Variants in MGST3 observed in about 807,000 individuals in gnomAD.
The protein encoded by MGST3 is glutathione S-transferase 3, mitochondrial.
MGST3 carries 13 observed loss-of-function variants against 15.8 expected under a neutral mutation model. That is an observed-to-expected ratio of 0.82 (90% CI 0.54 to 1.31). The LOEUF is 1.31. MGST3 is among the 50% of genes most tolerant of loss of function. MGST3 has a pLI of 0.00. For missense variants in MGST3, 155 were observed against 192.4 expected, an observed-to-expected ratio of 0.81 and a Z score of 1.15; for synonymous variants, 49 against 68.1, an observed-to-expected ratio of 0.72 and a Z score of 1.38.
At chr1:165,644,840 C>A (rs775023236) in intron 1 of MGST3, among the ~76,000 whole-genome samples, 2 of 152,130 alleles carry the variant, frequency 1.3e-5, no homozygotes, top group African/African-American at 2.4e-5. Context: ...CTCACTGCAA[C>A]CTCCACCTCC....
intron 1 of MGST3, among the ~76,000 whole-genome samples, chr1:165,643,135 A>G (rs1442402991): frequency 6.6e-6 from 1 of 152,156 alleles, no homozygotes; most frequent in Admixed American, 6.5e-5. Flanking sequence ...ATTATTCTAC[A>G]TATACTTTTA....
intron 3 of MGST3, 34 bp downstream of exon 3, chr1:165,651,121 C>G (rs752518654): frequency 6.3e-7 from 1 of 1,590,452 alleles, no homozygotes; most frequent in Non-Finnish European, 8.6e-7. Context: ...CCAAAGACAT[C>G]TGCAGAGTGG....
At chr1:165,651,913 T>G in intron 3 of MGST3, 65 bp from the exon 4 acceptor site, 1 of 525,398 alleles carries the variant, frequency 1.9e-6, no homozygotes, top group Non-Finnish European at 3.0e-6. Context: ...AAAAAAAAAT[T>G]CATAATTCTA....
intron 1 of MGST3, among the ~76,000 whole-genome samples, chr1:165,632,776 T>A (rs1250135064): frequency 6.6e-6 from 1 of 152,076 alleles, no homozygotes; most frequent in Non-Finnish European, 1.5e-5. Context: ...CTTAGAGTTC[T>A]GAAAAGACAC....
At position 165,655,695 on chromosome 1, in the gene MGST3, G is replaced by C; in HGVS notation, c.*191G>C. 4.5e-6 allele frequency: 3 copies of C among 659,830 alleles called. No individual in the cohort carries two copies. The South Asian group carries it at 5.9e-5, about 13-fold the overall frequency. The allele number at this position is 659,830 out of a possible 1,614,324, so 40.9% of individuals were successfully genotyped here. On this transcript the variant is annotated 3_prime_UTR_variant, in exon 6 of 6. Coordinates refer to ENST00000367889, the MANE Select transcript of MGST3 (RefSeq NM_004528.4). ...TAGCCTAGTCCTACTAGATGAGAAA[G>C]GAGCCACAAGTATTGTGCCCTCTCC... is the stretch of plus-strand genomic sequence containing the variant.
intron 2 of MGST3, chr1:165,650,298 C>G: frequency 8.5e-6 from 3 of 352,082 alleles, no homozygotes; most frequent in South Asian, 7.5e-5. Context: ...AATATTGTTT[C>G]ATGGTGTGCC....
chr1:165,645,370 GGTCAC>G (rs1164285226), intron 1 of MGST3, among the ~76,000 whole-genome samples: 2 of 152,094 alleles, frequency 1.3e-5, no homozygotes, highest in Non-Finnish European at 2.9e-5. Flanking sequence ...CCCAGTGGAA[GGTCAC>G]ATGGACACAC....
Position 165,655,846 on chromosome 1 carries a change from C to T in MGST3, c.*342C>T. On this transcript the variant is annotated 3_prime_UTR_variant, in exon 6 of 6. Transcript: ENST00000367889. ...AAAATCTTCTAGCTCTCAGGATATG[C>T]ATTATCACTTGCTACAGATACTCCA... is the stretch of plus-strand genomic sequence containing the variant. The T allele has an allele frequency of 3.2e-6, 1 of 308,048 alleles. No individual in the cohort carries two copies. The highest frequency in any genetic ancestry group is 6.2e-6 in the Non-Finnish European group (1 of 160,848). The allele number at this position is 308,048 out of a possible 1,614,324, so 19.1% of individuals were successfully genotyped here.
chr1:165,636,809 T>G (rs1308454807), intron 1 of MGST3: 2 of 152,208 alleles, frequency 1.3e-5, no homozygotes, highest in Non-Finnish European at 2.9e-5. Context: ...TTGTGTGAGC[T>G]CCGCTGAGCA....
intron 1 of MGST3, among the ~76,000 whole-genome samples, chr1:165,644,288 T>C (rs1405855014): frequency 6.6e-6 from 1 of 152,240 alleles, no homozygotes; most frequent in Non-Finnish European, 1.5e-5. Flanking sequence ...ACCCAGGCTA[T>C]ATAGTCTAGC....
chr1:165,632,281 G>T, intron 1 of MGST3: 1 of 1,612,562 alleles, frequency 6.2e-7, no homozygotes, highest in Admixed American at 1.7e-5. Flanking sequence ...GCAGGTATGT[G>T]CTGTTGGGCC....
intron 4 of MGST3, chr1:165,653,849 G>C (rs1297011827): frequency 1.1e-5 from 3 of 268,802 alleles, no homozygotes; most frequent in Non-Finnish European, 2.2e-5. Flanking sequence ...AACAGCAGCT[G>C]AGTCTTCAGT....
intron 1 of MGST3, chr1:165,632,350 G>GCGCTTCTCTTGGGAA: frequency 6.6e-7 from 1 of 1,519,604 alleles, no homozygotes; most frequent in Admixed American, 1.7e-5. Context: ...AGGAGCTGCA[G>GCGCTTCTCTTGGGAA]CGCTTCTCTT....
At chr1:165,643,564 A>G (rs1648313281) in intron 1 of MGST3, among the ~76,000 whole-genome samples, 1 of 151,694 alleles carries the variant, frequency 6.6e-6, no homozygotes, top group Admixed American at 6.6e-5. Flanking sequence ...TAAAAAAAAA[A>G]AAAAGAAAAA....
At chr1:165,639,426 A>G (rs1352652890) in intron 1 of MGST3, among the ~76,000 whole-genome samples, 1 of 152,240 alleles carries the variant, frequency 6.6e-6, no homozygotes, top group Non-Finnish European at 1.5e-5. Flanking sequence ...GAATGGGGAT[A>G]ATAATAGTAA....
intron 1 of MGST3, among the ~76,000 whole-genome samples, chr1:165,640,253 AAAG>A (rs9333416): frequency 0.012 from 1,751 of 152,114 alleles, 55 homozygotes; most frequent in Admixed American, 0.062. Context: ...GTTAAAGCTG[AAAG>A]AAGAAGTCAG....
chr1:165,653,247 T>C (rs1648611768), intron 4 of MGST3, among the ~76,000 whole-genome samples: 1 of 152,242 alleles, frequency 6.6e-6, no homozygotes, highest in Non-Finnish European at 1.5e-5. Context: ...AGTCCTCATT[T>C]GGTGTCCCCA....
intron 1 of MGST3, among the ~76,000 whole-genome samples, chr1:165,633,727 A>G (rs1299319083): frequency 2.6e-5 from 4 of 152,056 alleles, no homozygotes; most frequent in African/African-American, 9.7e-5. Context: ...TTCTTGTAAT[A>G]GAAAATTACC....
chr1:165,655,294 A>G, intron 5 of MGST3, 74 bp from the exon 6 acceptor site: 1 of 1,579,426 alleles, frequency 6.3e-7, no homozygotes, highest in South Asian at 1.1e-5. Flanking sequence ...GCGATGATAG[A>G]ATGGCTTGCG....
Sources: allele counts gnomAD v4.1 joint callset (sites outside exome capture counted in the v4.1 genomes callset), GRCh38; gene constraint gnomAD v4.1.1; transcripts MANE v1.5; gene names NCBI Gene and HGNC (gene_info 2026-07-23, HGNC 2026-07-21).